Variants in CERS6 observed in about 807,000 individuals in gnomAD.
CERS6 encodes LAG1 homolog, ceramide synthase 6.
CERS6 carries 26 observed loss-of-function variants against 56.8 expected under a neutral mutation model. The ratio of observed to expected loss-of-function variants is 0.46; its 90% confidence interval spans 0.34 to 0.63. CERS6 has a LOEUF of 0.63. Ranked by LOEUF, CERS6 falls within the 30% of genes least tolerant of loss-of-function variation. The pLI is 0.01. For synonymous variants in CERS6, 164 were observed against 173.3 expected (o/e 0.95, Z 0.42); for missense variants, 415 against 467.5 (o/e 0.89, Z 1.04).
At chr2:168,728,728 A>C (rs114409789) in intron 8 of CERS6, among the ~76,000 whole-genome samples, 1,714 of 152,074 alleles carry the variant, frequency 0.011, 34 homozygotes, top group African/African-American at 0.038. Flanking sequence ...GTCGCCGGCC[A>C]GTCGCAGTGG....
chr2:168,498,112 G>A (rs1192667288), intron 1 of CERS6, among the ~76,000 whole-genome samples: 1 of 152,146 alleles, frequency 6.6e-6, no homozygotes, highest in Non-Finnish European at 1.5e-5. Flanking sequence ...GTAAGCTTCA[G>A]TTTTGTAAAC....
At chr2:168,645,002 G>A (rs1685140432) in intron 4 of CERS6, among the ~76,000 whole-genome samples, 2 of 143,928 alleles carry the variant, frequency 1.4e-5, no homozygotes, top group Admixed American at 7.1e-5. Flanking sequence ...TGAGGCAGGA[G>A]AATTTCTTGA....
chr2:168,491,763 C>T (rs1574019124), intron 1 of CERS6, among the ~76,000 whole-genome samples: 1 of 151,972 alleles, frequency 6.6e-6, no homozygotes, highest in Non-Finnish European at 1.5e-5. Context: ...CTAATGCTAT[C>T]GCCTCCCCTA....
chr2:168,705,613 C>CT (rs1686920536), intron 6 of CERS6, among the ~76,000 whole-genome samples: 2 of 152,262 alleles, frequency 1.3e-5, no homozygotes, highest in South Asian at 2.1e-4. Context: ...CTGAAGAAGA[C>CT]TTTTTCCATC....
At chr2:168,614,459 G>A (rs763108145) in intron 3 of CERS6, among the ~76,000 whole-genome samples, 17 of 152,204 alleles carry the variant, frequency 1.1e-4, no homozygotes, top group Admixed American at 3.9e-4. Flanking sequence ...CAGCTGGGAG[G>A]CTGGTAGCCT....
intron 1 of CERS6, among the ~76,000 whole-genome samples, chr2:168,541,832 T>A (rs1227147465): frequency 6.6e-6 from 1 of 152,220 alleles, no homozygotes; most frequent in East Asian, 1.9e-4. Flanking sequence ...TTAGTTTATA[T>A]ACAGAATTAG....
intron 1 of CERS6, among the ~76,000 whole-genome samples, chr2:168,512,476 C>T (rs1416243834): frequency 1.3e-5 from 2 of 151,758 alleles, no homozygotes; most frequent in Non-Finnish European, 2.9e-5. Flanking sequence ...TTTTTCTTTA[C>T]TTTATTTTCC....
chr2:168,644,958 G>T (rs1231787326), intron 4 of CERS6, among the ~76,000 whole-genome samples: 1 of 150,088 alleles, frequency 6.7e-6, no homozygotes, highest in Non-Finnish European at 1.5e-5. Context: ...CAGGCATGGT[G>T]GTGCACACTT....
intron 1 of CERS6, among the ~76,000 whole-genome samples, chr2:168,524,112 G>A (rs565191428): frequency 1.3e-5 from 2 of 152,232 alleles, no homozygotes; most frequent in Admixed American, 6.5e-5. Context: ...TGTTGAGTTC[G>A]TGTGTGTGTC....
chr2:168,670,909 C>T (rs1685890966), intron 4 of CERS6, among the ~76,000 whole-genome samples: 1 of 141,326 alleles, frequency 7.1e-6, no homozygotes, highest in Admixed American at 8.0e-5. Flanking sequence ...TTGTTCACTC[C>T]TAAATTCCTA....
intron 4 of CERS6, among the ~76,000 whole-genome samples, chr2:168,681,616 A>G (rs1686217920): frequency 6.6e-6 from 1 of 152,176 alleles, no homozygotes; most frequent in Non-Finnish European, 1.5e-5. Context: ...ATCACCTCAG[A>G]CATGTATTAT....
intron 3 of CERS6, among the ~76,000 whole-genome samples, chr2:168,566,840 T>C (rs977412568): frequency 6.6e-6 from 1 of 150,742 alleles, no homozygotes; most frequent in African/African-American, 2.4e-5. Context: ...ACCATTTCCA[T>C]ATATTCCATA....
intron 3 of CERS6, among the ~76,000 whole-genome samples, chr2:168,582,378 GT>G (rs1683434721): frequency 6.6e-6 from 1 of 152,096 alleles, no homozygotes; most frequent in Non-Finnish European, 1.5e-5. Context: ...TGGGTTCCTA[GT>G]TTCCCTTAGA....
intron 3 of CERS6, among the ~76,000 whole-genome samples, chr2:168,620,663 T>C (rs542248816): frequency 6.6e-6 from 1 of 152,286 alleles, no homozygotes; most frequent in East Asian, 1.9e-4. Flanking sequence ...CCTGTGGAAG[T>C]TCTGTTACTC....
At chr2:168,731,169 G>T (rs1046518521) in intron 8 of CERS6, among the ~76,000 whole-genome samples, 1 of 152,112 alleles carries the variant, frequency 6.6e-6, no homozygotes, top group Non-Finnish European at 1.5e-5. Flanking sequence ...CTACCTAGTG[G>T]TGTATGCTAA....
chr2:168,653,370 G>T (rs1685393018), intron 4 of CERS6, among the ~76,000 whole-genome samples: 1 of 152,112 alleles, frequency 6.6e-6, no homozygotes. Context: ...ACAGATAATG[G>T]CCATCTTGAT....
At chr2:168,759,388 G>C (rs942111461) in intron 8 of CERS6, among the ~76,000 whole-genome samples, 5 of 152,164 alleles carry the variant, frequency 3.3e-5, no homozygotes, top group Non-Finnish European at 5.9e-5. Context: ...AGTATGTACT[G>C]TTCATGCATG....
chr2:168,558,670 C>T (rs1451290315), intron 2 of CERS6, among the ~76,000 whole-genome samples: 2 of 152,148 alleles, frequency 1.3e-5, no homozygotes, highest in South Asian at 2.1e-4. Context: ...GAGATCGAGA[C>T]CATCCTGGCT....
intron 1 of CERS6, among the ~76,000 whole-genome samples, chr2:168,505,642 C>G (rs867486873): frequency 1.3e-5 from 2 of 152,038 alleles, no homozygotes; most frequent in Non-Finnish European, 2.9e-5. Context: ...AGCATGGCCC[C>G]CAGTATCTAT....
Sources: allele counts gnomAD v4.1 joint callset (sites outside exome capture counted in the v4.1 genomes callset), GRCh38; gene constraint gnomAD v4.1.1; transcripts MANE v1.5; gene names NCBI Gene and HGNC (gene_info 2026-07-23, HGNC 2026-07-21).